The following CELF2 variants were observed in gnomAD, a reference collection of about 807,000 sequenced individuals.
CELF2 encodes CUG triplet repeat RNA-binding protein 2.
In CELF2, 8 loss-of-function variants were observed where a neutral mutation model predicts 62.6. The observed-to-expected ratio is 0.13, with a 90% CI of 0.07 to 0.23. CELF2 has a LOEUF of 0.23. CELF2 is among the 10% of genes least tolerant of loss of function. CELF2 has a pLI of 1.00. For synonymous variants in CELF2, 258 were observed against 250.0 expected (o/e 1.03, Z -0.30); for missense variants, 333 against 671.0 (o/e 0.50, Z 5.56).
Position 10,971,789 on chromosome 10 carries a change from G to A in CELF2, c.89+51790G>A, listed in dbSNP as rs567217319. On this transcript the variant is annotated intron_variant, in intron 2 of 13. Coordinates refer to the CELF2 transcript ENST00000636488. The stretch of plus-strand genomic sequence containing the variant: ...TTTAGTAGAGATGGAGTTTCACCAT[G>A]TTGGTCAGACTGGTCTCGAGCTCCT... 2.0e-5 allele frequency among the ~76,000 whole-genome samples: 3 copies of A among 152,262 alleles called. No homozygotes were observed. In the South Asian group the frequency reaches 6.2e-4, roughly 32 times the overall value.
At chr10:10,827,718 T>C (rs2057511255) in intron 1 of CELF2, among the ~76,000 whole-genome samples, 1 of 152,166 alleles carries the variant, frequency 6.6e-6, no homozygotes, top group South Asian at 2.1e-4. Context: ...GTGTCGTATC[T>C]GTCATTGACT....
chr10:10,783,627 G>A, the CELF2 span, among the ~76,000 whole-genome samples: 1 of 152,214 alleles, frequency 6.6e-6, no homozygotes, highest in African/African-American at 2.4e-5. Context: ...TGAATGCTCT[G>A]CAGTTGAAGT....
chr10:11,227,147 C>T lies in CELF2; in HGVS notation c.354+9640C>T, dbSNP rs370436461. Reference sequence around the variant, plus strand: ...CAAGAGGCCGAGGTTGTGAAACAAACGGAAACCTCAACCTGCCTGCCATCA... The same window carrying T: ...CAAGAGGCCGAGGTTGTGAAACAAATGGAAACCTCAACCTGCCTGCCATCA... On this transcript the variant is annotated intron_variant, in intron 3 of 12. Transcript: ENST00000633077. This position sits in a 1 kb window ranked among gnomAD's most constrained non-coding sequence, Gnocchi z 4.8. Among the ~76,000 whole-genome samples the T allele has an allele frequency of 4.6e-4, 70 of 152,336 alleles. No individual in the cohort carries two copies. The highest frequency in any genetic ancestry group is 3.4e-3 in the Middle Eastern group (1 of 294).
At chr10:10,469,503 C>T in the CELF2 span, among the ~76,000 whole-genome samples, 61 of 151,926 alleles carry the variant, frequency 4.0e-4, no homozygotes, top group East Asian at 4.1e-3. Flanking sequence ...TGAGAGTTTT[C>T]GTAATGAAAG....
chr10:10,561,939 A>ACTT, the CELF2 span, among the ~76,000 whole-genome samples: 1 of 152,044 alleles, frequency 6.6e-6, no homozygotes, highest in African/African-American at 2.4e-5. Flanking sequence ...TTTCTCCTTG[A>ACTT]CTTCATTTCT....
At chr10:10,939,012 G>A (rs891165093) in intron 2 of CELF2, among the ~76,000 whole-genome samples, 1 of 152,172 alleles carries the variant, frequency 6.6e-6, no homozygotes, top group South Asian at 2.1e-4. Context: ...TCTTGGGGAG[G>A]GATCTGCAGA....
the CELF2 span, among the ~76,000 whole-genome samples, chr10:10,721,533 TCAA>T: frequency 6.6e-6 from 1 of 152,266 alleles, no homozygotes; most frequent in Non-Finnish European, 1.5e-5. Flanking sequence ...CCTCTCCTCA[TCAA>T]CACCTTAGCC....
chr10:11,101,982 G>T (rs930098458), intron 1 of CELF2: 1 of 151,904 alleles, frequency 6.6e-6, no homozygotes, highest in East Asian at 1.9e-4. Context: ...TTGTAAAAAT[G>T]TGTTTTTAAG....
intron 2 of CELF2, among the ~76,000 whole-genome samples, chr10:10,953,961 A>T (rs948644099): frequency 6.6e-6 from 1 of 152,024 alleles, no homozygotes; most frequent in African/African-American, 2.4e-5. Flanking sequence ...AAGGGTATGA[A>T]TAATCATTTT....
the CELF2 span, among the ~76,000 whole-genome samples, chr10:10,547,622 A>T: frequency 6.6e-6 from 1 of 151,560 alleles, no homozygotes; most frequent in African/African-American, 2.4e-5. Flanking sequence ...ACCACTACCC[A>T]TTCCCACCTC....
chr10:11,319,516 C>A lies in CELF2; in HGVS notation c.1097-1673C>A, dbSNP rs561751926. On this transcript the variant is annotated intron_variant, in intron 10 of 12. Transcript: ENST00000633077. This position sits in a 1 kb window ranked among gnomAD's most constrained non-coding sequence, Gnocchi z 4.4. ...ATCCAAGCTCTTTGGACAGCACTTA[C>A]TTGCATGACCCAAAGAAAACATTAA... Among the ~76,000 whole-genome samples the A allele has an allele frequency of 3.3e-5, 5 of 152,174 alleles. No homozygotes were observed. The highest frequency in any genetic ancestry group is 9.7e-5 in the African/African-American group (4 of 41,436).
In CELF2 at chr10:11,039,112, G is replaced by A. The variant is rs1206852584; in HGVS notation, c.74+20949G>A. Among the ~76,000 whole-genome samples, 1 of 152,158 alleles carries A rather than the reference G, an allele frequency of 6.6e-6. No individual in the cohort carries two copies. Among genetic ancestry groups the A allele is most frequent in the Non-Finnish European group, 1.5e-5 (1 of 68,024 alleles). On this transcript the variant is annotated intron_variant, in intron 1 of 12. Coordinates refer to ENST00000633077, the MANE Select transcript of CELF2 (RefSeq NM_001326342.2). This position sits in a 1 kb window ranked among gnomAD's most constrained non-coding sequence, Gnocchi z 4.1. ...CTCTCATGGCATCGACCATGTAACG[G>A]CGATAACAGCCGAGTCCTGTGTCAG...
intron 1 of CELF2, among the ~76,000 whole-genome samples, chr10:11,028,122 A>G (rs1381161738): frequency 6.6e-6 from 1 of 152,188 alleles, no homozygotes; most frequent in Non-Finnish European, 1.5e-5. Context: ...GGACAACATC[A>G]TGAAGACTGA....
At chr10:10,468,022 A>G in the CELF2 span, among the ~76,000 whole-genome samples, 1 of 152,052 alleles carries the variant, frequency 6.6e-6, no homozygotes, top group African/African-American at 2.4e-5. Context: ...TTAACTGAAG[A>G]AAAAATGGTG....
the CELF2 span, among the ~76,000 whole-genome samples, chr10:10,749,469 A>G: frequency 6.6e-6 from 1 of 152,210 alleles, no homozygotes; most frequent in Admixed American, 6.5e-5. Flanking sequence ...AATGTCTACT[A>G]AGCATCAATG....
chr10:10,517,965 G>A, the CELF2 span, among the ~76,000 whole-genome samples: 1 of 152,094 alleles, frequency 6.6e-6, no homozygotes, highest in Non-Finnish European at 1.5e-5. Context: ...AAATACAATG[G>A]CCTCCCTGGC....
intron 1 of CELF2, among the ~76,000 whole-genome samples, chr10:11,161,268 C>T (rs1346471106): frequency 1.3e-5 from 2 of 152,194 alleles, no homozygotes; most frequent in Non-Finnish European, 2.9e-5. Flanking sequence ...TTCCATATGG[C>T]ATCTGTCTTA....
chr10:11,085,666 G>A (rs759130977), intron 1 of CELF2, among the ~76,000 whole-genome samples: 4 of 152,108 alleles, frequency 2.6e-5, no homozygotes, highest in Non-Finnish European at 2.9e-5. Context: ...AAAAGCAGGC[G>A]GTCTGGTTCA....
chr10:10,487,567 A>C, the CELF2 span, among the ~76,000 whole-genome samples: 9 of 152,154 alleles, frequency 5.9e-5, no homozygotes, highest in Admixed American at 2.0e-4. Context: ...ATTGGGTATT[A>C]CAATATCGCC....
Sources: allele counts gnomAD v4.1 joint callset (sites outside exome capture counted in the v4.1 genomes callset), GRCh38; gene constraint gnomAD v4.1.1; non-coding constraint Gnocchi (gnomAD v3.1); transcripts MANE v1.5; gene names NCBI Gene and HGNC (gene_info 2026-07-23, HGNC 2026-07-21).